The following ABCA13 variants were observed in gnomAD, a reference collection of about 807,000 sequenced individuals.
ABCA13 encodes the protein ATP-binding cassette sub-family A member 13.
A neutral mutation model predicts 478.7 loss-of-function variants in ABCA13; 476 were observed. The observed-to-expected ratio is 0.99, with a 90% confidence interval of 0.92 to 1.07. ABCA13 has a LOEUF of 1.07. Ranked by LOEUF, ABCA13 falls within the 50% of genes least tolerant of loss-of-function variation. The probability of loss-of-function intolerance (pLI) is 0.00; values close to 1 mark genes in which losing one functional copy is unlikely to be tolerated. For missense variants in ABCA13, 6,060 were observed against 5,910.6 expected (o/e 1.03, Z -0.83); for synonymous variants, 2,252 against 2,158.9 (o/e 1.04, Z -1.20).
At chr7:48,229,031 T>A (rs1313725872) in intron 6 of ABCA13, among the ~76,000 whole-genome samples, 1 of 152,164 alleles carries the variant, frequency 6.6e-6, no homozygotes, top group East Asian at 1.9e-4. Flanking sequence ...CAGTGATATA[T>A]CTTATAATCC....
At chr7:48,605,424 G>C (rs1045730229) in intron 58 of ABCA13, among the ~76,000 whole-genome samples, 3 of 152,108 alleles carry the variant, frequency 2.0e-5, no homozygotes, top group African/African-American at 7.2e-5. Context: ...GGCAGCCCTG[G>C]TGGTGACAAA....
chr7:48,303,014 T>G (rs571984893), intron 23 of ABCA13, among the ~76,000 whole-genome samples: 2 of 152,332 alleles, frequency 1.3e-5, no homozygotes, highest in Admixed American at 6.5e-5. Flanking sequence ...TTTTTGACTT[T>G]TTAGTAATAA....
intron 1 of ABCA13, among the ~76,000 whole-genome samples, chr7:48,172,547 G>A (rs1794236885): frequency 6.6e-6 from 1 of 152,064 alleles, no homozygotes; most frequent in Non-Finnish European, 1.5e-5. Context: ...TGTAATCCCA[G>A]CACTTTGGGA....
intron 51 of ABCA13, among the ~76,000 whole-genome samples, chr7:48,515,731 G>T (rs188969424): frequency 6.6e-6 from 1 of 152,268 alleles, no homozygotes; most frequent in African/African-American, 2.4e-5. Context: ...GTTACAGATG[G>T]TACCCCCTGT....
chr7:48,568,100 A>C (rs559457626), intron 55 of ABCA13, among the ~76,000 whole-genome samples: 2 of 152,102 alleles, frequency 1.3e-5, no homozygotes, highest in Non-Finnish European at 2.9e-5. Flanking sequence ...CCATATTCAT[A>C]AAGCCATATG....
chr7:48,254,857 G>A (rs1005324902), intron 15 of ABCA13, among the ~76,000 whole-genome samples: 3 of 152,050 alleles, frequency 2.0e-5, no homozygotes, highest in African/African-American at 7.3e-5. Flanking sequence ...TCCTAGTCTT[G>A]TGAGGCTTTT....
At chr7:48,223,436 A>G (rs1323325789) in intron 5 of ABCA13, among the ~76,000 whole-genome samples, 1 of 152,164 alleles carries the variant, frequency 6.6e-6, no homozygotes, top group Non-Finnish European at 1.5e-5. Context: ...AAAGAGTATC[A>G]GGCAAGGAGG....
intron 42 of ABCA13, among the ~76,000 whole-genome samples, chr7:48,445,779 C>T (rs1315136477): frequency 6.6e-6 from 1 of 151,950 alleles, no homozygotes; most frequent in South Asian, 2.1e-4. Flanking sequence ...GGAGCTATCT[C>T]GTGTGTGGCT....
Position 48,410,516 on chromosome 7 carries a change from C to G in ABCA13, c.12071-4C>G, listed in dbSNP as rs1265962351. ...GTGCTGATGCACCCTGTGCTTGGAC[C>G]CAGGTCGTACGATCATCTTCACAAC... On this transcript the variant is annotated splice_region_variant and splice_polypyrimidine_tract_variant and intron_variant, in intron 39 of 61. Coordinates refer to ENST00000435803, the MANE Select transcript of ABCA13 (RefSeq NM_152701.5). 1.2e-6 allele frequency: 2 copies of G among 1,613,970 alleles called. No homozygotes were observed. The highest frequency in any genetic ancestry group is 1.7e-6 in the Non-Finnish European group (2 of 1,179,874).
Position 48,391,922 on chromosome 7 carries a change from T to G in ABCA13, c.11656T>G (p.Ser3886Ala). The G allele has an allele frequency of 6.2e-7, 1 of 1,613,630 alleles. No individual in the cohort carries two copies. The highest frequency in any genetic ancestry group is 8.5e-7 in the Non-Finnish European group (1 of 1,179,714). Residue 3886 changes from serine to alanine, a missense_variant and splice_region_variant, in exon 38 of 62, where the codon TCC (serine) becomes GCC (alanine). By Grantham distance (99) the Ser-to-Ala change is moderately conservative (BLOSUM62 1). This residue lies in a region of ABCA13 where 1,627 missense variants were observed against 1,571.0 expected (regional missense o/e 1.04). Transcript: ENST00000435803. ...ATGCTGTCTTATTTTCTCTGGCAGA[T>G]CCATGTTGACGGGGCTCCACCCTCC... ...TNGAGKTTII[S>A]MLTGLHPPTS...
At chr7:48,379,173 A>C (rs1303684781) in intron 35 of ABCA13, among the ~76,000 whole-genome samples, 2 of 152,248 alleles carry the variant, frequency 1.3e-5, no homozygotes, top group Admixed American at 6.5e-5. Context: ...CACAAAATTC[A>C]GATTCTTTTA....
chr7:48,568,996 T>C (rs1410615091), intron 55 of ABCA13, among the ~76,000 whole-genome samples: 1 of 152,010 alleles, frequency 6.6e-6, no homozygotes, highest in African/African-American at 2.4e-5. Context: ...TTTTAGTAAT[T>C]TTAATATTCT....
At chr7:48,489,741 A>G (rs758862406) in intron 48 of ABCA13, among the ~76,000 whole-genome samples, 10 of 152,200 alleles carry the variant, frequency 6.6e-5, no homozygotes, top group Non-Finnish European at 1.0e-4. Context: ...GATGAACATC[A>G]CATTTTGATT....
intron 8 of ABCA13, 61 bp from the exon 9 acceptor site, chr7:48,239,180 A>C: frequency 6.4e-7 from 1 of 1,557,822 alleles, no homozygotes; most frequent in South Asian, 1.1e-5. Context: ...TGTTATTTTT[A>C]GAAGAGGAAG....
chr7:48,521,484 T>C (rs1832542219), intron 53 of ABCA13, among the ~76,000 whole-genome samples: 1 of 152,192 alleles, frequency 6.6e-6, no homozygotes, highest in African/African-American at 2.4e-5. Context: ...TAAATCCCAA[T>C]GTGCTTTTGA....
Position 48,244,655 on chromosome 7 carries a change from G to C in ABCA13, c.1342G>C (p.Asp448His). The C allele has an allele frequency of 6.2e-7, 1 of 1,611,736 alleles. No individual in the cohort carries two copies. The highest frequency in any genetic ancestry group is 1.3e-5 in the African/African-American group (1 of 74,980). Residue 448 changes from aspartate to histidine, a missense_variant, in exon 11 of 62, where the codon GAT (aspartate) becomes CAT (histidine). Asp to His is a moderately conservative substitution (Grantham distance 81). Transcript: ENST00000435803. ...WPALKRFLQL[D>H]GALRNAIAQN... ...GGCACTGAAGAGATTTCTTCAGCTT[G>C]ATGGAGCTCTCAGAAATGCGATAGC... is the stretch of plus-strand genomic sequence containing the variant.
In ABCA13 at chr7:48,596,991, A is replaced by G. The variant is rs1015650437; in HGVS notation, c.14744+2178A>G. ...TTTTGAGACAGAGTCTTGCTCAGTC[A>G]CCCAGGCTGGAGTGCAGTGGCACGA... On this transcript the variant is annotated intron_variant, in intron 58 of 61. Coordinates refer to ENST00000435803, the MANE Select transcript of ABCA13 (RefSeq NM_152701.5). Among the ~76,000 whole-genome samples, 31 of 148,918 alleles carry G rather than the reference A, an allele frequency of 2.1e-4. 1 individual carries two copies. The highest frequency in any genetic ancestry group is 6.7e-4 in the African/African-American group (27 of 40,388).
intron 45 of ABCA13, among the ~76,000 whole-genome samples, chr7:48,474,050 T>A (rs559160966): frequency 1.1e-4 from 17 of 152,290 alleles, no homozygotes; most frequent in South Asian, 4.1e-4. Flanking sequence ...TCTTTTTTTT[T>A]AAATACATAA....
At chr7:48,474,869 C>T (rs1827909167) in intron 45 of ABCA13, among the ~76,000 whole-genome samples, 1 of 152,138 alleles carries the variant, frequency 6.6e-6, no homozygotes, top group African/African-American at 2.4e-5. Context: ...GGGTAAATAT[C>T]AGAATGATTG....
Sources: gnomAD v4.1 joint callset for allele counts (sites outside exome capture counted in the v4.1 genomes callset) on GRCh38, gnomAD v4.1.1 for gene constraint, gnomAD v4.1.1 regional missense constraint, MANE v1.5 for transcripts, NCBI Gene and HGNC (gene_info 2026-07-23, HGNC 2026-07-21) for gene names.